Variants in DST observed in about 807,000 individuals in gnomAD.
The protein encoded by DST is dystonin, also known as bullous pemphigoid antigen.
DST carries 253 observed loss-of-function variants against 875.2 expected under a neutral mutation model. The ratio of observed to expected loss-of-function variants is 0.29; its 90% CI spans 0.26 to 0.32. The LOEUF is 0.32. DST is among the 10% of genes least tolerant of loss of function. The pLI is 1.00. For synonymous variants in DST, 3,124 were observed against 3,197.1 expected (o/e 0.98, Z 0.77); for missense variants, 8,287 against 9,111.6 (o/e 0.91, Z 3.68).
At chr6:56,954,166 T>A (rs964857343) in intron 1 of DST, among the ~76,000 whole-genome samples, 1 of 152,114 alleles carries the variant, frequency 6.6e-6, no homozygotes, top group Non-Finnish European at 1.5e-5. Flanking sequence ...TGACTAAAAA[T>A]TTGAGTTCTT....
At chr6:56,846,433 C>T (rs2099807240) in intron 4 of DST, among the ~76,000 whole-genome samples, 1 of 152,164 alleles carries the variant, frequency 6.6e-6, no homozygotes, top group Non-Finnish European at 1.5e-5. Context: ...GGACAAAAAT[C>T]CTTTTCTTAA....
chr6:56,758,110 C>T (rs1378831806), intron 4 of DST, among the ~76,000 whole-genome samples: 6 of 152,204 alleles, frequency 3.9e-5, no homozygotes, highest in Admixed American at 3.9e-4. Context: ...AAACTTTTCC[C>T]CATATCCTTG....
At chr6:56,788,826 G>C (rs1055473037) in intron 4 of DST, among the ~76,000 whole-genome samples, 1 of 152,124 alleles carries the variant, frequency 6.6e-6, no homozygotes, top group African/African-American at 2.4e-5. Context: ...ACTACAAATA[G>C]TACTGTGAAT....
At chr6:56,952,151 T>C (rs1822688591) in intron 2 of DST, among the ~76,000 whole-genome samples, 1 of 152,154 alleles carries the variant, frequency 6.6e-6, no homozygotes, top group South Asian at 2.1e-4. Flanking sequence ...CCAGGAATCT[T>C]ATGAAGTGAG....
Position 56,624,603 on chromosome 6 carries a change from G to T in DST, c.4856C>A (p.Thr1619Asn), listed in dbSNP as rs1252353204. Residue 1619 changes from threonine (T) to asparagine (N), a missense_variant, in exon 36 of 104, where the codon ACT becomes AAT. Coordinates refer to ENST00000680361, the MANE Select transcript of DST (RefSeq NM_001374736.1). Reference sequence around the variant, plus strand: ...TTGTGTCATGAGAGTGACCAGGGCAGTATATCGAGTCCTTAGGTCCATGAA... The same window carrying T: ...TTGTGTCATGAGAGTGACCAGGGCATTATATCGAGTCCTTAGGTCCATGAA... ...QEFMDLRTRY[T>N]ALVTLMTQYI... 7 of 1,612,920 alleles carry T rather than the reference G, an allele frequency of 4.3e-6. No homozygotes were observed. The highest frequency in any genetic ancestry group is 4.2e-6 in the Non-Finnish European group (5 of 1,179,300).
intron 4 of DST, among the ~76,000 whole-genome samples, chr6:56,793,067 TCAAAAAAAAAAAA>T (rs2099731888): frequency 8.3e-5 from 2 of 24,218 alleles, no homozygotes; most frequent in African/African-American, 1.3e-4. Flanking sequence ...AGACCCTGTC[TCAAAAAAAAAAAA>T]AAAAAAAAAA....
In DST at chr6:56,609,160, C is replaced by T; in HGVS notation, c.5468G>A (p.Ser1823Asn). 1.9e-6 allele frequency: 3 copies of T among 1,613,852 alleles called. No individual in the cohort carries two copies. The highest frequency in any genetic ancestry group is 1.1e-5 in the South Asian group (1 of 91,080). Reference protein sequence around the residue: ...RKCFDLKDAKSHGLIDEQILC... With the variant: ...RKCFDLKDAKNHGLIDEQILC... ...AATTTGTTCATCAATAAGGCCATGA[C>T]TTTTGGCATCTTTAAGGTCAAAGCA... Residue 1823 changes from serine to asparagine, a missense_variant, in exon 40 of 104, where the codon AGT (serine) becomes AAT (asparagine). Physicochemically the swap from Ser to Asn is conservative, Grantham distance 46. Transcript: ENST00000680361.
intron 12 of DST, among the ~76,000 whole-genome samples, chr6:56,650,596 A>C (rs1348999041): frequency 6.6e-6 from 1 of 152,238 alleles, no homozygotes; most frequent in Non-Finnish European, 1.5e-5. Context: ...CATACAAAAG[A>C]ATAGCAAATA....
intron 34 of DST, among the ~76,000 whole-genome samples, chr6:56,625,972 TAA>T (rs76788667): frequency 0.053 from 3,942 of 74,972 alleles, 71 homozygotes; most frequent in Non-Finnish European, 0.09. Flanking sequence ...GTTTAAAAAG[TAA>T]AAAAAAAAAA....
At chr6:56,794,670 C>A (rs1590576405) in intron 4 of DST, among the ~76,000 whole-genome samples, 2 of 152,136 alleles carry the variant, frequency 1.3e-5, no homozygotes, top group African/African-American at 4.8e-5. Context: ...TTGCCCAACC[C>A]CCAGGAGGCT....
At chr6:56,560,546 G>T in intron 57 of DST, 123 bp from the exon 58 acceptor site, 1 of 1,034,572 alleles carries the variant, frequency 9.7e-7, no homozygotes, top group Non-Finnish European at 1.4e-6. Flanking sequence ...AAATGTTGTG[G>T]TGGGTGAGGG....
intron 4 of DST, among the ~76,000 whole-genome samples, chr6:56,850,761 G>T (rs903700956): frequency 2.0e-5 from 3 of 152,180 alleles, no homozygotes; most frequent in Non-Finnish European, 4.4e-5. Context: ...CAGCTTTTAG[G>T]GCCAATGCAA....
intron 9 of DST, among the ~76,000 whole-genome samples, chr6:56,674,302 CTT>C (rs754314470): frequency 2.7e-5 from 4 of 145,512 alleles, no homozygotes; most frequent in Non-Finnish European, 1.5e-5. Flanking sequence ...CATTTTCTTT[CTT>C]TTTTTTTTTT....
chr6:56,522,700 G>A (rs1036281931), intron 69 of DST, among the ~76,000 whole-genome samples: 1 of 152,052 alleles, frequency 6.6e-6, no homozygotes, highest in Non-Finnish European at 1.5e-5. Context: ...ACCAATCCAA[G>A]GGCCTTTCTA....
At chr6:56,557,643 T>C (rs981930602) in intron 58 of DST, 125 bp from the exon 59 acceptor site, 2 of 745,684 alleles carry the variant, frequency 2.7e-6, no homozygotes, top group Non-Finnish European at 4.3e-6. Flanking sequence ...TTATGACTCT[T>C]GTTACATAGT....
intron 2 of DST, among the ~76,000 whole-genome samples, chr6:56,945,334 C>A (rs1818870135): frequency 6.6e-6 from 1 of 151,970 alleles, no homozygotes; most frequent in Non-Finnish European, 1.5e-5. Flanking sequence ...AAGGCAGAGT[C>A]CAGAGATATT....
chr6:56,614,323 T>C, intron 37 of DST, 33 bp downstream of exon 37: 1 of 1,556,740 alleles, frequency 6.4e-7, no homozygotes, highest in Non-Finnish European at 8.7e-7. Context: ...CCTGCTATTA[T>C]TATTATTATT....
At chr6:56,580,750 G>C (rs1188229326) in intron 49 of DST, among the ~76,000 whole-genome samples, 1 of 145,984 alleles carries the variant, frequency 6.9e-6, no homozygotes, top group Admixed American at 6.8e-5. Flanking sequence ...TTTTGGTTGG[G>C]GGGGCAGCGT....
chr6:56,755,809 A>G lies in DST; in HGVS notation c.626-20520T>C, dbSNP rs564448941. Among the ~76,000 whole-genome samples the G allele has an allele frequency of 6.6e-5, 10 of 152,322 alleles. No individual in the cohort carries two copies. In the East Asian group the frequency reaches 7.7e-4, roughly 12 times the overall value. On this transcript the variant is annotated intron_variant, in intron 4 of 103. Coordinates refer to ENST00000680361, the MANE Select transcript of DST (RefSeq NM_001374736.1). Reference sequence around the variant, plus strand: ...ATTCTATAAAAAGACAGGAATAACCATTTCTGGTTTATAAAATAGGATTAT... The same window carrying G: ...ATTCTATAAAAAGACAGGAATAACCGTTTCTGGTTTATAAAATAGGATTAT...
Sources: gnomAD v4.1 joint callset for allele counts (sites outside exome capture counted in the v4.1 genomes callset) on GRCh38, gnomAD v4.1.1 for gene constraint, MANE v1.5 for transcripts, NCBI Gene and HGNC (gene_info 2026-07-23, HGNC 2026-07-21) for gene names.